Variants in IFT81 observed in about 807,000 individuals in gnomAD.
IFT81 encodes the protein intraflagellar transport protein 81 homolog.
Under a neutral mutation model 102.6 loss-of-function variants are expected in IFT81, and 72 were observed. That is an observed-to-expected ratio of 0.70 (90% CI 0.58 to 0.85). The LOEUF (loss-of-function observed/expected upper bound fraction) is 0.85, where lower values mean the gene tolerates loss of function less well. Ranked by LOEUF, IFT81 falls within the 40% of genes least tolerant of loss-of-function variation. The probability of loss-of-function intolerance (pLI) is 0.00; values close to 1 mark genes in which losing one functional copy is unlikely to be tolerated. For synonymous variants in IFT81, 237 were observed against 242.7 expected, an observed-to-expected ratio of 0.98 and a Z score of 0.22; for missense variants, 723 against 787.3, an observed-to-expected ratio of 0.92 and a Z score of 0.98.
At chr12:110,209,507 G>A (rs988355748) in intron 18 of IFT81, among the ~76,000 whole-genome samples, 3 of 152,124 alleles carry the variant, frequency 2.0e-5, no homozygotes, top group East Asian at 3.8e-4. Flanking sequence ...GGTGGCTCAC[G>A]CCTGTAATCC....
rs1418047704 is a variant in IFT81 at position 110,190,969 on chromosome 12, A to G, written c.1388A>G (p.Glu463Gly). Reference protein sequence around the residue: ...KGISGYSYTQEELERVSALKS... With the variant: ...KGISGYSYTQGELERVSALKS... The stretch of plus-strand genomic sequence containing the variant: ...ATATCTGGATATAGTTACACCCAAG[A>G]AGAGCTAGAAAGAGTATCTGCACTG... Residue 463 changes from glutamate to glycine, a missense_variant, in exon 13 of 19, where the codon GAA becomes GGA. Physicochemically the swap from Glu to Gly is moderately conservative, Grantham distance 98. Coordinates refer to ENST00000242591, the MANE Select transcript of IFT81 (RefSeq NM_014055.4). 4 of 1,607,790 alleles carry G rather than the reference A, an allele frequency of 2.5e-6. No homozygotes were observed. The Admixed American group carries it at 5.1e-5, about 20-fold the overall frequency.
At chr12:110,179,893 CAA>C (rs1897247067) in intron 11 of IFT81, among the ~76,000 whole-genome samples, 2 of 145,302 alleles carry the variant, frequency 1.4e-5, no homozygotes, top group Non-Finnish European at 3.0e-5. Flanking sequence ...ATTAAAAACA[CAA>C]AATATTTAAA....
At position 110,180,554 on chromosome 12, in the gene IFT81, A is replaced by G; in HGVS notation, c.1321A>G (p.Asn441Asp). ...AGAACTTCTTAAGCAACGTCATGAA[A>G]ATATTCAACAACAACTGGTAATACA... is the stretch of plus-strand genomic sequence containing the variant. ...TEELLKQRHE[N>D]IQQQLQTMEE... The change falls in exon 12 of 19, where the codon AAT becomes GAT. Residue 441 changes from asparagine (N) to aspartate (D), a missense_variant. Coordinates refer to ENST00000242591, the MANE Select transcript of IFT81 (RefSeq NM_014055.4). 2 of 1,605,030 alleles carry G rather than the reference A, an allele frequency of 1.2e-6. No homozygotes were observed. Among genetic ancestry groups the G allele is most frequent in the Non-Finnish European group, 1.7e-6 (2 of 1,173,556 alleles).
Position 110,132,579 on chromosome 12 carries a change from G to T in IFT81, c.462G>T (p.Leu154Phe). Reference protein sequence around the residue: ...YEELMEAFKTLHKEYEQLKIS... With the variant: ...YEELMEAFKTFHKEYEQLKIS... Reference sequence around the variant, plus strand: ...AGTTAATGGAAGCCTTTAAAACTTTGCATAAAGAATATGAGCAGCTCAAGA... The same window carrying T: ...AGTTAATGGAAGCCTTTAAAACTTTTCATAAAGAATATGAGCAGCTCAAGA... Residue 154 changes from leucine to phenylalanine, a missense_variant, in exon 5 of 19, where the codon TTG (leucine) becomes TTT (phenylalanine). Coordinates refer to ENST00000242591, the MANE Select transcript of IFT81 (RefSeq NM_014055.4). 6.4e-7 allele frequency: 1 copy of T among 1,573,128 alleles called. No individual in the cohort carries two copies. The highest frequency in any genetic ancestry group is 8.7e-7 in the Non-Finnish European group (1 of 1,149,114).
intron 9 of IFT81, among the ~76,000 whole-genome samples, chr12:110,145,739 C>T (rs1169902487): frequency 4.0e-5 from 6 of 151,836 alleles, no homozygotes; most frequent in Non-Finnish European, 8.8e-5. Flanking sequence ...CCAGGCCTGA[C>T]TGTTTTATTC....
chr12:110,167,869 A>G (rs1896524007), intron 11 of IFT81: 3 of 244,152 alleles, frequency 1.2e-5, no homozygotes, highest in Admixed American at 5.7e-5. Flanking sequence ...TTTTTTCCCC[A>G]GAGACAGGAT....
At chr12:110,194,529 C>T (rs893737888) in intron 14 of IFT81, among the ~76,000 whole-genome samples, 3 of 152,146 alleles carry the variant, frequency 2.0e-5, no homozygotes, top group Non-Finnish European at 2.9e-5. Flanking sequence ...CCACCTCAGG[C>T]TTCCAAAATG....
Position 110,162,916 on chromosome 12 carries a change from C to T in IFT81, c.1042-3C>T. 6.2e-7 allele frequency: 1 copy of T among 1,605,494 alleles called. No individual in the cohort carries two copies. Among genetic ancestry groups the T allele is most frequent in the African/African-American group, 1.3e-5 (1 of 74,474 alleles). On this transcript the variant is annotated splice_polypyrimidine_tract_variant and splice_region_variant and intron_variant, in intron 10 of 18. Transcript: ENST00000242591. ...TATACCTTCATATTTAATGCTCAAT[C>T]AGGCATCTATCATTTCCCGTAAAAA...
intron 11 of IFT81, among the ~76,000 whole-genome samples, chr12:110,166,481 C>T (rs1048612825): frequency 2.6e-5 from 4 of 152,020 alleles, no homozygotes; most frequent in Non-Finnish European, 5.9e-5. Flanking sequence ...CATGAATGTA[C>T]TTAAAGCCAC....
chr12:110,163,185 CAT>C, intron 11 of IFT81, 120 bp downstream of exon 11: 1 of 746,976 alleles, frequency 1.3e-6, no homozygotes, highest in Non-Finnish European at 2.1e-6. Flanking sequence ...TTTTATAAAA[CAT>C]ATTTAAAACT....
chr12:110,176,148 G>C (rs1438431267), intron 11 of IFT81, among the ~76,000 whole-genome samples: 1 of 151,782 alleles, frequency 6.6e-6, no homozygotes, highest in African/African-American at 2.4e-5. Context: ...GCATATCCTT[G>C]GCCATTCAGC....
chr12:110,138,688 C>T (rs1894666337), intron 8 of IFT81, among the ~76,000 whole-genome samples: 1 of 152,212 alleles, frequency 6.6e-6, no homozygotes, highest in South Asian at 2.1e-4. Context: ...CCGCCTCAGC[C>T]TCCCAAAGTG....
intron 14 of IFT81, among the ~76,000 whole-genome samples, chr12:110,202,235 G>A (rs1898318805): frequency 6.6e-6 from 1 of 152,140 alleles, no homozygotes; most frequent in Non-Finnish European, 1.5e-5. Flanking sequence ...ATATGGGACT[G>A]CCATCATATA....
At chr12:110,213,302 G>A (rs992694143) in intron 18 of IFT81, among the ~76,000 whole-genome samples, 1 of 151,884 alleles carries the variant, frequency 6.6e-6, no homozygotes, top group African/African-American at 2.4e-5. Flanking sequence ...AAAAAAAAAC[G>A]GTAATTTGTC....
intron 10 of IFT81, among the ~76,000 whole-genome samples, chr12:110,156,698 C>T (rs60594510): frequency 0.17 from 25,582 of 151,864 alleles, 3,344 homozygotes; most frequent in African/African-American, 0.37. Flanking sequence ...GGTTTTGCCA[C>T]GTTGGCCAGG....
At chr12:110,177,138 T>A (rs1593339181) in intron 11 of IFT81, among the ~76,000 whole-genome samples, 1 of 152,386 alleles carries the variant, frequency 6.6e-6, no homozygotes, top group South Asian at 2.1e-4. Context: ...TGTAACGCAG[T>A]CATTGAAAAT....
chr12:110,202,480 G>A (rs976706503), intron 14 of IFT81, among the ~76,000 whole-genome samples: 4 of 149,474 alleles, frequency 2.7e-5, no homozygotes, highest in African/African-American at 9.9e-5. Context: ...TTGAGATGGA[G>A]TCTCACTCTG....
chr12:110,134,876 A>G, intron 5 of IFT81, 72 bp from the exon 6 acceptor site: 1 of 1,143,536 alleles, frequency 8.7e-7, no homozygotes, highest in Non-Finnish European at 1.3e-6. Flanking sequence ...TGCATAATCA[A>G]AATAAAACCT....
At chr12:110,198,325 T>C (rs1399531149) in intron 14 of IFT81, among the ~76,000 whole-genome samples, 1 of 152,090 alleles carries the variant, frequency 6.6e-6, no homozygotes, top group East Asian at 1.9e-4. Context: ...ATTTTCATGC[T>C]TTCTTTTATT....
Sources: gnomAD v4.1 joint callset for allele counts (sites outside exome capture counted in the v4.1 genomes callset) on GRCh38, gnomAD v4.1.1 for gene constraint, MANE v1.5 for transcripts, NCBI Gene and HGNC (gene_info 2026-07-23, HGNC 2026-07-21) for gene names.